CSMD2: variants seen among roughly 807,000 people sequenced by gnomAD.
The protein encoded by CSMD2 is CUB and Sushi multiple domains 2.
CSMD2 carries 130 observed loss-of-function variants against 398.5 expected under a neutral mutation model. The observed-to-expected ratio is 0.33, with a 90% confidence interval of 0.28 to 0.38. The LOEUF is 0.38. Among genes scored for constraint, CSMD2 ranks in the 10% least tolerant of loss-of-function variants. The pLI is 1.00. For synonymous variants in CSMD2, 1,828 were observed against 1,908.5 expected, an observed-to-expected ratio of 0.96 and a Z score of 1.10; for missense variants, 3,829 against 4,764.9, an observed-to-expected ratio of 0.80 and a Z score of 5.78.
intron 44 of CSMD2, among the ~76,000 whole-genome samples, chr1:33,590,940 G>A (rs760227648): frequency 9.2e-5 from 14 of 151,448 alleles, no homozygotes; most frequent in Non-Finnish European, 1.6e-4. Context: ...TCAAGCTGCT[G>A]GGTGTGCTGA....
At position 33,646,664 on chromosome 1, in the gene CSMD2, G is replaced by A. The variant is rs747276856; in HGVS notation, c.4758C>T (p.Phe1586=). 96 of 1,613,700 alleles carry A rather than the reference G, an allele frequency of 5.9e-5. No homozygotes were observed. Among genetic ancestry groups the A allele is most frequent in the Non-Finnish European group, 7.5e-5 (89 of 1,180,024 alleles). ...RSDASVSNAG[F]VIDYTENPRE... is the part of the protein sequence containing the mutation. Reference sequence around the variant, plus strand: ...GGCCCTTACCTGTATAGTCAATGACGAAGCCAGCATTGCTCACAGATGCAT... The same window carrying A: ...GGCCCTTACCTGTATAGTCAATGACAAAGCCAGCATTGCTCACAGATGCAT... The change falls in exon 29 of 71, where the codon TTC becomes TTT. Residue 1586 remains phenylalanine (F), a synonymous_variant. Coordinates refer to ENST00000373381, the MANE Select transcript of CSMD2 (RefSeq NM_001281956.2).
intron 2 of CSMD2, among the ~76,000 whole-genome samples, chr1:34,055,181 C>A (rs961675502): frequency 3.9e-5 from 6 of 152,162 alleles, no homozygotes; most frequent in African/African-American, 1.4e-4. Context: ...AATAGCCAGT[C>A]TACTCCCAAC....
chr1:33,964,771 C>G (rs1645498763), intron 3 of CSMD2, among the ~76,000 whole-genome samples: 1 of 152,158 alleles, frequency 6.6e-6, no homozygotes, highest in African/African-American at 2.4e-5. Flanking sequence ...CGCTGCAGCA[C>G]TGGGAGTTCA....
At chr1:33,776,580 T>A (rs114801405) in intron 12 of CSMD2, among the ~76,000 whole-genome samples, 4,415 of 152,180 alleles carry the variant, frequency 0.029, 86 homozygotes, top group African/African-American at 0.049. Flanking sequence ...TGCAGATGAC[T>A]CATTTGTAGG....
chr1:33,986,685 T>C (rs1646369373), intron 3 of CSMD2, among the ~76,000 whole-genome samples: 1 of 152,226 alleles, frequency 6.6e-6, no homozygotes, highest in African/African-American at 2.4e-5. Flanking sequence ...TCTGCTCTCC[T>C]GGCTTCAACC....
Position 33,663,086 on chromosome 1 carries a change from G to C in CSMD2, c.4059C>G (p.His1353Gln), listed in dbSNP as rs762344274. Residue 1353 changes from histidine (H) to glutamine (Q), a missense_variant, in exon 26 of 71, where the codon CAC becomes CAG. His to Gln is a conservative substitution (Grantham distance 24). Transcript: ENST00000373381. ...CCTCCTCTGTGTCAAACACCAGGAA[G>C]TGTAGCCTGCACGGAGAGAAGAGGC... is the stretch of plus-strand genomic sequence containing the variant. ...EAEAGCTIGL[H>Q]FLVFDTEEVH... The C allele has an allele frequency of 6.2e-7, 1 of 1,613,906 alleles. No individual in the cohort carries two copies. The highest frequency in any genetic ancestry group is 8.5e-7 in the Non-Finnish European group (1 of 1,179,790).
chr1:34,103,510 G>C (rs921543548), intron 1 of CSMD2, among the ~76,000 whole-genome samples: 1 of 151,962 alleles, frequency 6.6e-6, no homozygotes, highest in African/African-American at 2.4e-5. Context: ...GTGTTAGCCA[G>C]GATGGTCTTG....
At chr1:33,692,013 G>A (rs778001392) in intron 25 of CSMD2, among the ~76,000 whole-genome samples, 31 of 152,162 alleles carry the variant, frequency 2.0e-4, no homozygotes, top group Non-Finnish European at 3.8e-4. Context: ...ACCTGGGTTC[G>A]GATCTCAGAG....
At chr1:33,712,942 T>A (rs1646042142) in intron 21 of CSMD2, among the ~76,000 whole-genome samples, 1 of 152,224 alleles carries the variant, frequency 6.6e-6, no homozygotes, top group Non-Finnish European at 1.5e-5. Context: ...TTTGTTTTAA[T>A]GTTTCCTTTC....
intron 4 of CSMD2, among the ~76,000 whole-genome samples, chr1:33,931,279 C>A (rs904198981): frequency 5.9e-5 from 9 of 152,292 alleles, no homozygotes; most frequent in South Asian, 2.1e-4. Context: ...CAAGTATGAA[C>A]CTGTTCACTC....
intron 3 of CSMD2, among the ~76,000 whole-genome samples, chr1:33,957,767 C>T (rs961261752): frequency 1.8e-4 from 28 of 152,162 alleles, no homozygotes; most frequent in African/African-American, 5.6e-4. Context: ...GACTGAAGAC[C>T]GACAGCACCA....
chr1:33,656,132 G>C (rs571738037), intron 27 of CSMD2, among the ~76,000 whole-genome samples: 4 of 152,054 alleles, frequency 2.6e-5, no homozygotes, highest in Non-Finnish European at 5.9e-5. Flanking sequence ...AGAAGGAATC[G>C]AAGAAGGGAA....
intron 47 of CSMD2, among the ~76,000 whole-genome samples, chr1:33,581,832 G>T (rs569162474): frequency 6.6e-6 from 1 of 152,298 alleles, no homozygotes; most frequent in East Asian, 1.9e-4. Context: ...GGCCCTGAAT[G>T]ATGGCTCTAC....
chr1:34,141,385 T>A (rs1326852707), intron 1 of CSMD2, among the ~76,000 whole-genome samples: 1 of 152,016 alleles, frequency 6.6e-6, no homozygotes, highest in Non-Finnish European at 1.5e-5. Flanking sequence ...AATGCATACA[T>A]CCTATGTTGG....
At chr1:33,773,195 C>T (rs372837586) in intron 12 of CSMD2, among the ~76,000 whole-genome samples, 33 of 152,312 alleles carry the variant, frequency 2.2e-4, no homozygotes, top group Middle Eastern at 3.4e-3. Flanking sequence ...GCTAATGTCA[C>T]GACAGATCTC....
At chr1:33,782,428 T>C (rs2149353758) in intron 12 of CSMD2, among the ~76,000 whole-genome samples, 1 of 152,268 alleles carries the variant, frequency 6.6e-6, no homozygotes, top group South Asian at 2.1e-4. Context: ...CATGAGACCC[T>C]GGAAAGATAA....
chr1:33,553,616 T>G (rs1657670189), intron 55 of CSMD2, among the ~76,000 whole-genome samples: 1 of 152,138 alleles, frequency 6.6e-6, no homozygotes, highest in African/African-American at 2.4e-5. Flanking sequence ...AAAAGCTTAG[T>G]GAGGAAGGCA....
intron 25 of CSMD2, among the ~76,000 whole-genome samples, chr1:33,678,939 T>C (rs1300952736): frequency 6.6e-6 from 1 of 152,226 alleles, no homozygotes; most frequent in African/African-American, 2.4e-5. Flanking sequence ...TCCAGGGTAG[T>C]GACTGCTGTC....
intron 3 of CSMD2, among the ~76,000 whole-genome samples, chr1:33,957,484 A>T (rs935578524): frequency 6.6e-6 from 1 of 152,184 alleles, no homozygotes; most frequent in Non-Finnish European, 1.5e-5. Context: ...GGACAAGATC[A>T]ATAAGTGTCC....
Sources: gnomAD v4.1 joint callset for allele counts (sites outside exome capture counted in the v4.1 genomes callset) on GRCh38, gnomAD v4.1.1 for gene constraint, MANE v1.5 for transcripts, NCBI Gene and HGNC (gene_info 2026-07-23, HGNC 2026-07-21) for gene names.